Variants in MTSS1 observed in about 807,000 individuals in gnomAD.
MTSS1 encodes MTSS I-BAR domain containing 1.
Under a neutral mutation model 79.0 loss-of-function variants are expected in MTSS1, and 18 were observed. The observed-to-expected ratio is 0.23, with a 90% confidence interval of 0.16 to 0.34. The LOEUF (loss-of-function observed/expected upper bound fraction) is 0.34, where lower values mean the gene tolerates loss of function less well. Ranked by LOEUF, MTSS1 falls within the 10% of genes least tolerant of loss-of-function variation. MTSS1 has a pLI of 1.00. For synonymous variants in MTSS1, 341 were observed against 368.6 expected (o/e 0.93, Z 0.86); for missense variants, 815 against 986.2 (o/e 0.83, Z 2.33).
At chr8:124,626,990 C>G (rs910670765) in intron 3 of MTSS1, among the ~76,000 whole-genome samples, 1 of 152,166 alleles carries the variant, frequency 6.6e-6, no homozygotes, top group Non-Finnish European at 1.5e-5. Flanking sequence ...GGGTTGGACA[C>G]GAACCTGTCA....
chr8:124,553,335 TC>T lies in MTSS1; in HGVS notation c.1924del (p.Glu642SerfsTer79). 6.2e-7 allele frequency: 1 copy of T among 1,613,318 alleles called. No homozygotes were observed. The highest frequency in any genetic ancestry group is 8.5e-7 in the Non-Finnish European group (1 of 1,179,512). On this transcript the variant is annotated frameshift_variant, in exon 14 of 14. Coordinates refer to ENST00000518547, the MANE Select transcript of MTSS1 (RefSeq NM_014751.6). LOFTEE classifies it high-confidence loss of function. The surrounding 1 kb of genome is among the most constrained non-coding windows in gnomAD (Gnocchi z 6.0). ...APPDGPEERG[E>X]HSPESPSVGE... is the part of the protein sequence containing the mutation. ...CACAGATGGCGACTCAGGGCTGTGC[TC>T]CCCCCGCTCTTCTGGCCCATCTGGA... is the stretch of plus-strand genomic sequence containing the variant.
At chr8:124,633,178 A>AG (rs1816335543) in intron 3 of MTSS1, among the ~76,000 whole-genome samples, 1 of 151,734 alleles carries the variant, frequency 6.6e-6, no homozygotes, top group African/African-American at 2.4e-5. Context: ...TTAAAAAAAA[A>AG]TTTTTAAAGA....
intron 3 of MTSS1, among the ~76,000 whole-genome samples, chr8:124,694,430 G>A (rs1233955037): frequency 6.6e-6 from 1 of 151,938 alleles, no homozygotes; most frequent in African/African-American, 2.4e-5. Flanking sequence ...CAGATTCTCA[G>A]AAGGAAGGAA....
chr8:124,553,262 G>T lies in MTSS1; in HGVS notation c.1998C>A (p.Ser666Arg), dbSNP rs762286207. 10 of 1,613,994 alleles carry T rather than the reference G, an allele frequency of 6.2e-6. No individual in the cohort carries two copies. Among genetic ancestry groups the T allele is most frequent in the African/African-American group, 5.3e-5 (4 of 74,876 alleles). Residue 666 changes from serine to arginine, a missense_variant, in exon 14 of 14, where the codon AGC becomes AGA. Transcript: ENST00000518547. The surrounding 1 kb of genome is among the most constrained non-coding windows in gnomAD (Gnocchi z 6.0). ...GTGGAGGGTTAACGGAAGCTTGGCCGCTCCACATTGAGGAGGGCATGCTGG... is the reference window on the plus strand; with the variant it reads ...GTGGAGGGTTAACGGAAGCTTGGCCTCTCCACATTGAGGAGGGCATGCTGG... Reference protein sequence around the residue: ...GVTSMPSSMWSGQASVNPPLP... With the variant: ...GVTSMPSSMWRGQASVNPPLP...
At chr8:124,680,240 G>C (rs753955286) in intron 3 of MTSS1, among the ~76,000 whole-genome samples, 2 of 152,240 alleles carry the variant, frequency 1.3e-5, no homozygotes, top group Non-Finnish European at 2.9e-5. Flanking sequence ...CTGTGTCCAA[G>C]CAGGACAACT....
chr8:124,630,562 C>T (rs922470137), intron 3 of MTSS1, among the ~76,000 whole-genome samples: 1 of 152,216 alleles, frequency 6.6e-6, no homozygotes, highest in Non-Finnish European at 1.5e-5. Flanking sequence ...AGGCCATTCA[C>T]AGGCACTGGA....
intron 3 of MTSS1, among the ~76,000 whole-genome samples, chr8:124,605,032 G>A (rs1432057559): frequency 2.0e-5 from 3 of 152,184 alleles, no homozygotes; most frequent in African/African-American, 7.2e-5. Flanking sequence ...CTCACACTAT[G>A]GGAAAACCAT....
At chr8:124,641,396 A>C (rs1818023610) in intron 3 of MTSS1, among the ~76,000 whole-genome samples, 1 of 152,242 alleles carries the variant, frequency 6.6e-6, no homozygotes, top group South Asian at 2.1e-4. Context: ...AATAACCACA[A>C]GTCTTTTCTA....
chr8:124,651,345 C>T (rs1019321183), intron 3 of MTSS1, among the ~76,000 whole-genome samples: 3 of 151,928 alleles, frequency 2.0e-5, no homozygotes, highest in African/African-American at 7.3e-5. Context: ...CGTGACATGC[C>T]GTGTGAAGAG....
intron 3 of MTSS1, among the ~76,000 whole-genome samples, chr8:124,651,375 C>A (rs76792265): frequency 7.2e-6 from 1 of 139,078 alleles, no homozygotes; most frequent in Non-Finnish European, 1.5e-5. Flanking sequence ...ACATACACAG[C>A]ACACACAGCA....
At chr8:124,581,693 A>T (rs1302362826) in intron 6 of MTSS1, among the ~76,000 whole-genome samples, 2 of 151,990 alleles carry the variant, frequency 1.3e-5, no homozygotes, top group African/African-American at 4.8e-5. Flanking sequence ...TGACCTCATG[A>T]TGCACCCGCC....
chr8:124,581,666 GGATGGTCTCGATTTCTTGACCTCAT>G, intron 6 of MTSS1, among the ~76,000 whole-genome samples: 1 of 152,186 alleles, frequency 6.6e-6, no homozygotes, highest in Admixed American at 6.5e-5. Context: ...ATGTTGGCCA[GGATGGTCTCGATTTCTTGACCTCAT>G]GATGCACCCG....
At chr8:124,632,599 T>C (rs1373862669) in intron 3 of MTSS1, among the ~76,000 whole-genome samples, 1 of 152,174 alleles carries the variant, frequency 6.6e-6, no homozygotes, top group African/African-American at 2.4e-5. Flanking sequence ...GCCTCAATAA[T>C]TGTATTGTTG....
At chr8:124,559,845 T>G (rs1824898933) in intron 10 of MTSS1, among the ~76,000 whole-genome samples, 1 of 152,260 alleles carries the variant, frequency 6.6e-6, no homozygotes, top group South Asian at 2.1e-4. Context: ...AATCTCTGGC[T>G]TAACCTCAGT....
At chr8:124,611,109 C>T (rs537372922) in intron 3 of MTSS1, among the ~76,000 whole-genome samples, 4 of 144,728 alleles carry the variant, frequency 2.8e-5, no homozygotes, top group Non-Finnish European at 6.1e-5. Context: ...CAGACAGACC[C>T]CCCCCCCCCA....
At chr8:124,612,636 G>A (rs997832573) in intron 3 of MTSS1, among the ~76,000 whole-genome samples, 4 of 137,898 alleles carry the variant, frequency 2.9e-5, no homozygotes, top group Non-Finnish European at 6.4e-5. Context: ...GTGTGTGTAC[G>A]AGAGAGAAAG....
intron 13 of MTSS1, among the ~76,000 whole-genome samples, chr8:124,554,883 G>A (rs1823257833): frequency 6.6e-6 from 1 of 152,178 alleles, no homozygotes; most frequent in Non-Finnish European, 1.5e-5. Context: ...TCATTTTGTT[G>A]CCCAGGCTGG....
intron 3 of MTSS1, among the ~76,000 whole-genome samples, chr8:124,688,566 A>G (rs1244517756): frequency 6.6e-6 from 1 of 152,224 alleles, no homozygotes; most frequent in Middle Eastern, 3.2e-3. Flanking sequence ...GAAAACAAAA[A>G]TATCTTCTGC....
chr8:124,721,207 A>C (rs1338229698), intron 1 of MTSS1, among the ~76,000 whole-genome samples: 1 of 152,096 alleles, frequency 6.6e-6, no homozygotes, highest in Non-Finnish European at 1.5e-5. Context: ...ACTAAAAATA[A>C]AGTCAATTCC....
Sources: gnomAD v4.1 joint callset for allele counts (sites outside exome capture counted in the v4.1 genomes callset) on GRCh38, gnomAD v4.1.1 for gene constraint, Gnocchi (gnomAD v3.1) non-coding constraint, MANE v1.5 for transcripts, NCBI Gene and HGNC (gene_info 2026-07-23, HGNC 2026-07-21) for gene names.